Variants in CHST8 observed in about 807,000 individuals in gnomAD.
CHST8 encodes GALNAC-4-ST1.
CHST8 carries 10 observed loss-of-function variants against 15.0 expected under a neutral mutation model. The observed-to-expected ratio is 0.67, with a 90% CI of 0.41 to 1.13. CHST8 has a LOEUF of 1.13. CHST8 is among the 50% of genes most tolerant of loss of function. CHST8 has a pLI of 0.00. For missense variants in CHST8, 634 were observed against 608.2 expected (o/e 1.04, Z -0.45); for synonymous variants, 259 against 256.6 (o/e 1.01, Z -0.09).
intron 1 of CHST8, among the ~76,000 whole-genome samples, chr19:33,626,603 C>G (rs1475341822): frequency 6.6e-6 from 1 of 152,070 alleles, no homozygotes; most frequent in Non-Finnish European, 1.5e-5. Context: ...CCCACAAGAG[C>G]TGGTTGTTAA....
chr19:33,770,492 G>A (rs1974954588), intron 3 of CHST8, among the ~76,000 whole-genome samples: 1 of 152,212 alleles, frequency 6.6e-6, no homozygotes. Flanking sequence ...CTTCTAAATA[G>A]ATTCCCCCCA....
At chr19:33,635,176 C>T (rs1972177225) in intron 1 of CHST8, among the ~76,000 whole-genome samples, 1 of 152,164 alleles carries the variant, frequency 6.6e-6, no homozygotes, top group African/African-American at 2.4e-5. Context: ...AGATGATGTG[C>T]CCTTGGTCAA....
intron 3 of CHST8, among the ~76,000 whole-genome samples, chr19:33,761,976 C>G (rs1015487408): frequency 6.6e-6 from 1 of 152,234 alleles, no homozygotes; most frequent in South Asian, 2.1e-4. Context: ...ACACTCCCCA[C>G]CCAGGGCACG....
Position 33,766,394 on chromosome 19 carries a change from C to T in CHST8, c.131-5019C>T, listed in dbSNP as rs776810240. Among the ~76,000 whole-genome samples the T allele has an allele frequency of 4.9e-4, 75 of 152,332 alleles. 1 individual carries two copies. Among genetic ancestry groups the T allele is most frequent in the Middle Eastern group, 6.8e-3 (2 of 294 alleles). On this transcript the variant is annotated intron_variant, in intron 3 of 4. Transcript: ENST00000650847. ...TCCCTCAGGCCTCTCTCCCCCAACCCGCCCACCTTCTCTCCTGCCAGCACC... is the reference window on the plus strand; with the variant it reads ...TCCCTCAGGCCTCTCTCCCCCAACCTGCCCACCTTCTCTCCTGCCAGCACC...
chr19:33,732,515 G>A (rs1974014445), intron 3 of CHST8, among the ~76,000 whole-genome samples: 1 of 151,762 alleles, frequency 6.6e-6, no homozygotes, highest in African/African-American at 2.4e-5. Flanking sequence ...CAGTGTAGGT[G>A]CTGGGGCCCC....
chr19:33,648,935 G>A lies in CHST8; in HGVS notation c.-163-18832G>A, dbSNP rs1003893415. On this transcript the variant is annotated intron_variant, in intron 1 of 4. Coordinates refer to ENST00000650847, the MANE Select transcript of CHST8 (RefSeq NM_001127895.2). ...TTTTTTTTTTTTGAGTTGGAGTCTC[G>A]CTTTGTCATCCAGGCTGGAGTGCAG... Among the ~76,000 whole-genome samples the A allele has an allele frequency of 5.5e-5, 6 of 109,146 alleles. No individual in the cohort carries two copies. The South Asian group carries it at 1.4e-3, about 26-fold the overall frequency. The allele number at this position is 109,146 out of a possible 152,430, so 71.6% of individuals were successfully genotyped here. A position where few individuals can be genotyped will look rare whatever the true frequency, so the allele number is the denominator to read the frequency against.
At chr19:33,740,466 C>T (rs540062632) in intron 3 of CHST8, among the ~76,000 whole-genome samples, 6 of 152,352 alleles carry the variant, frequency 3.9e-5, no homozygotes, top group African/African-American at 1.4e-4. Context: ...GGGACAAAGA[C>T]AGCTTGCTGG....
intron 3 of CHST8, among the ~76,000 whole-genome samples, chr19:33,708,854 C>T (rs549862381): frequency 6.6e-6 from 1 of 152,272 alleles, no homozygotes; most frequent in African/African-American, 2.4e-5. Context: ...ATCTTACAAT[C>T]CATGAACGTG....
intron 3 of CHST8, among the ~76,000 whole-genome samples, chr19:33,752,826 G>A (rs545492036): frequency 1.3e-5 from 2 of 152,272 alleles, no homozygotes; most frequent in African/African-American, 2.4e-5. Flanking sequence ...GTTGAAATAC[G>A]TTACCATTAT....
At chr19:33,699,886 A>T (rs1973298641) in intron 3 of CHST8, among the ~76,000 whole-genome samples, 1 of 152,126 alleles carries the variant, frequency 6.6e-6, no homozygotes, top group African/African-American at 2.4e-5. Flanking sequence ...TGCCAGGACA[A>T]ATGTCGTGGG....
chr19:33,689,705 C>T (rs1453822708), intron 3 of CHST8, among the ~76,000 whole-genome samples: 1 of 152,238 alleles, frequency 6.6e-6, no homozygotes, highest in Non-Finnish European at 1.5e-5. Flanking sequence ...CACCACCTCT[C>T]AGGCCTCTTC....
intron 3 of CHST8, among the ~76,000 whole-genome samples, chr19:33,766,363 G>A (rs974266406): frequency 6.6e-6 from 1 of 152,232 alleles, no homozygotes; most frequent in East Asian, 1.9e-4. Context: ...AGTGGAGCCT[G>A]GCATTTCCCT....
rs541843509 is a variant in CHST8 at position 33,632,837 on chromosome 19, C to T, written c.-164+10541C>T. Among the ~76,000 whole-genome samples the T allele has an allele frequency of 2.6e-5, 4 of 152,126 alleles. No homozygotes were observed. The South Asian group carries it at 6.2e-4, about 24-fold the overall frequency. On this transcript the variant is annotated intron_variant, in intron 1 of 4. Coordinates refer to ENST00000650847, the MANE Select transcript of CHST8 (RefSeq NM_001127895.2). ...AGGCTGAAGTGTAGTGGTGCAATCTCGGCTCACTGCAACCTCCGCCTCCTG... is the reference window on the plus strand; with the variant it reads ...AGGCTGAAGTGTAGTGGTGCAATCTTGGCTCACTGCAACCTCCGCCTCCTG...
chr19:33,722,330 G>A (rs764570103), intron 3 of CHST8, among the ~76,000 whole-genome samples: 2 of 151,976 alleles, frequency 1.3e-5, no homozygotes, highest in Non-Finnish European at 2.9e-5. Context: ...TGGGCAGATG[G>A]ATGGATGGAT....
chr19:33,677,625 T>C (rs908232203), intron 2 of CHST8, among the ~76,000 whole-genome samples: 2 of 152,122 alleles, frequency 1.3e-5, no homozygotes, highest in South Asian at 2.1e-4. Flanking sequence ...ATGGTACCAG[T>C]CCACCAGGGG....
rs369174616 is a variant in CHST8 at position 33,726,785 on chromosome 19, G to A, written c.130+37394G>A. On this transcript the variant is annotated intron_variant, in intron 3 of 4. Transcript: ENST00000650847. Reference sequence around the variant, plus strand: ...AAGGGGGCTCCCTGGCAAGGGGCTAGGAGACGTGGGCCAGGGGCTGCAAAG... The same window carrying A: ...AAGGGGGCTCCCTGGCAAGGGGCTAAGAGACGTGGGCCAGGGGCTGCAAAG... Among the ~76,000 whole-genome samples the A allele has an allele frequency of 1.2e-4, 18 of 152,220 alleles. No homozygotes were observed. In the East Asian group the frequency reaches 2.9e-3, roughly 25 times the overall value.
At chr19:33,632,773 A>G (rs143562591) in intron 1 of CHST8, among the ~76,000 whole-genome samples, 4 of 142,200 alleles carry the variant, frequency 2.8e-5, no homozygotes, top group East Asian at 2.1e-4. Context: ...GTGTGTGTGT[A>G]TGTGTGTGTG....
chr19:33,682,712 G>A (rs922978004), intron 2 of CHST8, among the ~76,000 whole-genome samples: 1 of 152,224 alleles, frequency 6.6e-6, no homozygotes, highest in Non-Finnish European at 1.5e-5. Context: ...AGTCACCCAT[G>A]TTGTAGCATG....
chr19:33,677,114 C>T (rs1972819801), intron 2 of CHST8, among the ~76,000 whole-genome samples: 1 of 152,154 alleles, frequency 6.6e-6, no homozygotes, highest in African/African-American at 2.4e-5. Flanking sequence ...AGAGCAATCA[C>T]ATAAGAAGTC....
Sources: gnomAD v4.1 joint callset for allele counts (sites outside exome capture counted in the v4.1 genomes callset) on GRCh38, gnomAD v4.1.1 for gene constraint, MANE v1.5 for transcripts, NCBI Gene and HGNC (gene_info 2026-07-23, HGNC 2026-07-21) for gene names.